IL33: variants seen among roughly 807,000 people sequenced by gnomAD.
IL33 encodes interleukin 33.
IL33 carries 37 observed loss-of-function variants against 27.3 expected under a neutral mutation model. The observed-to-expected ratio is 1.36, with a 90% CI of 1.04 to 1.78. The LOEUF (loss-of-function observed/expected upper bound fraction) is 1.78. IL33 is among the 40% of genes most tolerant of loss of function. The pLI is 0.00. For synonymous variants in IL33, 132 were observed against 102.9 expected (o/e 1.28, Z -1.71); for missense variants, 406 against 311.4 (o/e 1.30, Z -2.29).
intron 1 of IL33, among the ~76,000 whole-genome samples, chr9:6,238,333 A>T (rs966317926): frequency 6.6e-6 from 1 of 152,208 alleles, no homozygotes; most frequent in Non-Finnish European, 1.5e-5. Flanking sequence ...TAGGAGAATC[A>T]GAGGAAGAAA....
intron 3 of IL33, 131 bp downstream of exon 3, chr9:6,250,730 G>T: frequency 9.6e-7 from 1 of 1,043,642 alleles, no homozygotes. Flanking sequence ...TGATGAACTG[G>T]TTTTTAGCTA....
At chr9:6,246,385 A>C (rs1564067498) in intron 2 of IL33, among the ~76,000 whole-genome samples, 1 of 151,922 alleles carries the variant, frequency 6.6e-6, no homozygotes, top group Non-Finnish European at 1.5e-5. Flanking sequence ...AACATGGTGA[A>C]ACCCCGTCTC....
chr9:6,251,155 G>C lies in IL33; in HGVS notation c.233G>C (p.Arg78Thr), dbSNP rs1366812974. Residue 78 changes from arginine to threonine, a missense_variant, in exon 4 of 8, where the codon AGA becomes ACA. By Grantham distance (71) the Arg-to-Thr change is moderately conservative (BLOSUM62 -1). Transcript: ENST00000682010. ...CGGTCTGCAGGTAGAAAGCACAAAAGACATCTGGTACTCGCTGCCTGTCAA... is the reference window on the plus strand; with the variant it reads ...CGGTCTGCAGGTAGAAAGCACAAAACACATCTGGTACTCGCTGCCTGTCAA... ...PSLKTGRKHK[R>T]HLVLAACQQQ... 1 of 1,613,850 alleles carries C rather than the reference G, an allele frequency of 6.2e-7. No individual in the cohort carries two copies. Among genetic ancestry groups the C allele is most frequent in the East Asian group, 2.2e-5 (1 of 44,876 alleles).
At chr9:6,242,270 T>A (rs1819573500) in intron 2 of IL33, 1 of 152,270 alleles carries the variant, frequency 6.6e-6, no homozygotes, top group African/African-American at 2.4e-5. Context: ...CTTAGTCAAT[T>A]TGTGTTACCA....
Position 6,255,975 on chromosome 9 carries a change from A to T in IL33, c.620A>T (p.Lys207Met). ...TCTCTCTTGTTTCCTCAGCTCCATAAGTGTGAAAAACCACTGCCAGACCAG... is the reference window on the plus strand; with the variant it reads ...TCTCTCTTGTTTCCTCAGCTCCATATGTGTGAAAAACCACTGCCAGACCAG... ...NNKEHSVELH[K>M]CEKPLPDQAF... Residue 207 changes from lysine to methionine, a missense_variant, in exon 8 of 8, where the codon AAG becomes ATG. By Grantham distance (95) the Lys-to-Met change is moderately conservative. Coordinates refer to ENST00000682010, the MANE Select transcript of IL33 (RefSeq NM_033439.4). 1 of 1,613,292 alleles carries T rather than the reference A, an allele frequency of 6.2e-7. No homozygotes were observed. Among genetic ancestry groups the T allele is most frequent in the Middle Eastern group, 1.7e-4 (1 of 6,058 alleles).
intron 1 of IL33, among the ~76,000 whole-genome samples, chr9:6,239,788 A>AG (rs1362746305): frequency 6.6e-6 from 1 of 151,962 alleles, no homozygotes; most frequent in Non-Finnish European, 1.5e-5. Context: ...ACCCCTCCCT[A>AG]TTCAACTAGC....
intron 1 of IL33, among the ~76,000 whole-genome samples, chr9:6,222,395 A>G (rs376780563): frequency 6.6e-6 from 1 of 152,244 alleles, no homozygotes; most frequent in South Asian, 2.1e-4. Context: ...CCAGCCTTGC[A>G]GCATACCAGC....
At chr9:6,245,329 C>T (rs1303656200) in intron 2 of IL33, among the ~76,000 whole-genome samples, 2 of 152,164 alleles carry the variant, frequency 1.3e-5, no homozygotes, top group Non-Finnish European at 2.9e-5. Flanking sequence ...TCTAGAAACA[C>T]TGGGTCCATA....
At chr9:6,235,857 A>G (rs1238387853) in intron 1 of IL33, among the ~76,000 whole-genome samples, 1 of 152,234 alleles carries the variant, frequency 6.6e-6, no homozygotes, top group Non-Finnish European at 1.5e-5. Context: ...AAAACTGTTA[A>G]TTAATACAAG....
intron 2 of IL33, 34 bp downstream of exon 2, chr9:6,241,819 C>T: frequency 1.4e-6 from 2 of 1,420,012 alleles, no homozygotes; most frequent in Non-Finnish European, 2.0e-6. Context: ...ATGTTTTACG[C>T]ACTATTTTTA....
At chr9:6,253,802 T>C (rs890344573) in intron 6 of IL33, among the ~76,000 whole-genome samples, 200 bp downstream of exon 6, 2 of 152,250 alleles carry the variant, frequency 1.3e-5, no homozygotes, top group African/African-American at 4.8e-5. Flanking sequence ...GATAAAGTTT[T>C]GGCTACACTT....
chr9:6,251,302 G>C (rs763044790), intron 4 of IL33, 37 bp downstream of exon 4: 1 of 1,608,902 alleles, frequency 6.2e-7, no homozygotes, highest in Admixed American at 1.7e-5. Context: ...GGAGTGAGGA[G>C]GGAGGTATGA....
At chr9:6,239,910 C>G (rs1193966878) in intron 1 of IL33, among the ~76,000 whole-genome samples, 1 of 152,118 alleles carries the variant, frequency 6.6e-6, no homozygotes, top group Non-Finnish European at 1.5e-5. Context: ...GGAGAAAGTA[C>G]TAAGAAACTA....
At chr9:6,245,283 C>A (rs1441971333) in intron 2 of IL33, among the ~76,000 whole-genome samples, 1 of 152,118 alleles carries the variant, frequency 6.6e-6, no homozygotes, top group Non-Finnish European at 1.5e-5. Flanking sequence ...TAATGAAAAT[C>A]TAAATGTGTA....
intron 4 of IL33, among the ~76,000 whole-genome samples, chr9:6,252,056 C>CAAAA (rs138991546): frequency 0.036 from 4,088 of 114,272 alleles, 364 homozygotes; most frequent in African/African-American, 0.13. Context: ...AACAAACAAA[C>CAAAA]AAAAAAAAAC....
chr9:6,232,857 T>G (rs1299387476), intron 1 of IL33, among the ~76,000 whole-genome samples: 1 of 152,194 alleles, frequency 6.6e-6, no homozygotes, highest in Non-Finnish European at 1.5e-5. Context: ...AAAATCTCAT[T>G]CTGACCACCA....
intron 1 of IL33, among the ~76,000 whole-genome samples, chr9:6,236,747 T>G (rs988800962): frequency 7.9e-5 from 12 of 152,144 alleles, no homozygotes; most frequent in African/African-American, 2.9e-4. Flanking sequence ...GCATACACCT[T>G]GTAGTCCCAG....
chr9:6,234,851 GA>G (rs768797897), intron 1 of IL33, among the ~76,000 whole-genome samples: 5 of 152,074 alleles, frequency 3.3e-5, no homozygotes, highest in Non-Finnish European at 7.4e-5. Flanking sequence ...ATTTGCTTTA[GA>G]AACTTTCAAA....
In IL33 at chr9:6,257,815, A is replaced by C. The variant is rs2130497303; in HGVS notation, c.*1647A>C. ...ATCTTTGTTTCATTGTTCTGTCAAT[A>C]ATTGTTACCAAAGAGATAAAAATAA... On this transcript the variant is annotated 3_prime_UTR_variant, in exon 8 of 8. Transcript: ENST00000682010. 1 of 152,302 alleles carries C rather than the reference A, an allele frequency of 6.6e-6. No individual in the cohort carries two copies. The highest frequency in any genetic ancestry group is 1.5e-5 in the Non-Finnish European group (1 of 68,022). 9.4% of individuals were successfully genotyped at this position (152,302 alleles called of 1,614,324 possible). A position where few individuals can be genotyped will look rare whatever the true frequency, so the allele number is the denominator to read the frequency against.
Sources: allele counts gnomAD v4.1 joint callset (sites outside exome capture counted in the v4.1 genomes callset), GRCh38; gene constraint gnomAD v4.1.1; transcripts MANE v1.5; gene names NCBI Gene and HGNC (gene_info 2026-07-23, HGNC 2026-07-21).